Variants in ARHGEF28 observed in about 807,000 individuals in gnomAD.
ARHGEF28 encodes Rho guanine nucleotide exchange factor 28.
In ARHGEF28, 152 loss-of-function variants were observed where a neutral mutation model predicts 206.6. That is an observed-to-expected ratio of 0.74 (90% CI 0.64 to 0.84). The LOEUF (loss-of-function observed/expected upper bound fraction) is 0.84, where lower values mean the gene tolerates loss of function less well. Ranked by LOEUF, ARHGEF28 falls within the 40% of genes least tolerant of loss-of-function variation. ARHGEF28 has a pLI of 0.00. For missense variants in ARHGEF28, 2,028 were observed against 2,073.2 expected, an observed-to-expected ratio of 0.98 and a Z score of 0.42; for synonymous variants, 763 against 776.4, an observed-to-expected ratio of 0.98 and a Z score of 0.29.
chr5:73,632,071 T>C (rs1288425493), intron 1 of ARHGEF28, among the ~76,000 whole-genome samples: 1 of 152,220 alleles, frequency 6.6e-6, no homozygotes, highest in Non-Finnish European at 1.5e-5. Context: ...CAAAGTAGAA[T>C]ATACACGTGT....
chr5:73,794,350 C>T, intron 7 of ARHGEF28, 52 bp from the exon 8 acceptor site: 1 of 1,124,284 alleles, frequency 8.9e-7, no homozygotes, highest in South Asian at 1.5e-5. Flanking sequence ...AGTTGTTGTT[C>T]TTCTTAACAA....
chr5:73,785,457 G>A (rs1483688372), intron 7 of ARHGEF28, among the ~76,000 whole-genome samples: 2 of 152,086 alleles, frequency 1.3e-5, no homozygotes, highest in African/African-American at 2.4e-5. Flanking sequence ...CCATCTGTTA[G>A]TCCAGTAATG....
intron 1 of ARHGEF28, among the ~76,000 whole-genome samples, chr5:73,661,419 C>G (rs998787923): frequency 3.3e-5 from 5 of 152,146 alleles, no homozygotes; most frequent in African/African-American, 1.2e-4. Context: ...GTTTCACTTT[C>G]TTATCATTCG....
chr5:73,833,848 C>T (rs1034980588), intron 10 of ARHGEF28, among the ~76,000 whole-genome samples: 8 of 152,044 alleles, frequency 5.3e-5, no homozygotes, highest in Admixed American at 3.3e-4. Context: ...CATCAAATCT[C>T]GTGAGAACTC....
chr5:73,909,874 G>A lies in ARHGEF28; in HGVS notation c.4624G>A (p.Val1542Met), dbSNP rs747429576. The A allele has an allele frequency of 3.3e-6, 5 of 1,520,460 alleles. No homozygotes were observed. Among genetic ancestry groups the A allele is most frequent in the Non-Finnish European group, 3.5e-6 (4 of 1,147,892 alleles). The allele number at this position is 1,520,460 out of a possible 1,614,324, so 94.2% of individuals were successfully genotyped here. A position where few individuals can be genotyped will look rare whatever the true frequency, so the allele number is the denominator to read the frequency against. Residue 1542 changes from valine (V) to methionine (M), a missense_variant, in exon 34 of 36, where the codon GTG (valine) becomes ATG (methionine). By Grantham distance (21) the Val-to-Met change is conservative. Coordinates refer to ENST00000513042, the MANE Select transcript of ARHGEF28 (RefSeq NM_001177693.2). Reference sequence around the variant, plus strand: ...CGGCCGGCAGAGGAGCCTGCCCGCGGTGCTCCTTCCGGGTGGCCCCGAGGT... The same window carrying A: ...CGGCCGGCAGAGGAGCCTGCCCGCGATGCTCCTTCCGGGTGGCCCCGAGGT... ...KHGRQRSLPA[V>M]LLPGGPEVME... is the part of the protein sequence containing the mutation.
At chr5:73,792,463 G>A (rs1011174065) in intron 7 of ARHGEF28, among the ~76,000 whole-genome samples, 2 of 152,064 alleles carry the variant, frequency 1.3e-5, no homozygotes, top group Admixed American at 6.6e-5. Context: ...CTGTTCTTCC[G>A]AATAAATGCT....
In ARHGEF28 at chr5:73,894,471, T is replaced by G. The variant is rs368390673; in HGVS notation, c.3737T>G (p.Leu1246Arg). 28 of 1,613,834 alleles carry G rather than the reference T, an allele frequency of 1.7e-5. No individual in the cohort carries two copies. The highest frequency in any genetic ancestry group is 1.7e-6 in the Non-Finnish European group (2 of 1,179,884). The change falls in exon 29 of 36, where the codon CTG (leucine) becomes CGG (arginine). Residue 1246 changes from leucine to arginine, a missense_variant. Around this residue, in one of 3 missense-constraint regions of ARHGEF28, gnomAD observed 803 missense variants for 768.0 expected, o/e 1.05. Transcript: ENST00000513042. Reference protein sequence around the residue: ...KLHIYAELGELSGFEDVHLEP... With the variant: ...KLHIYAELGERSGFEDVHLEP... Reference sequence around the variant, plus strand: ...CATATCTATGCTGAACTTGGAGAACTGAGCGGATTTGAGGACGTCCATCTA... The same window carrying G: ...CATATCTATGCTGAACTTGGAGAACGGAGCGGATTTGAGGACGTCCATCTA...
At chr5:73,626,494 C>A (rs1410806562) in intron 1 of ARHGEF28, among the ~76,000 whole-genome samples, 172 bp downstream of exon 1, 2 of 152,068 alleles carry the variant, frequency 1.3e-5, no homozygotes, top group East Asian at 3.9e-4. Context: ...GAGGGCTGGG[C>A]GCCGCCTCCC....
chr5:73,695,887 C>A (rs945443627), intron 2 of ARHGEF28, among the ~76,000 whole-genome samples: 5 of 152,316 alleles, frequency 3.3e-5, no homozygotes, highest in Admixed American at 6.5e-5. Context: ...TCTAATCAGA[C>A]AAGTCCTCTC....
rs760859891 is a variant in ARHGEF28 at position 73,886,038 on chromosome 5, A to G, written c.3244A>G (p.Ser1082Gly). The G allele has an allele frequency of 2.3e-5, 37 of 1,613,854 alleles. No individual in the cohort carries two copies. Among genetic ancestry groups the G allele is most frequent in the Non-Finnish European group, 3.1e-5 (36 of 1,179,878 alleles). Residue 1082 changes from serine to glycine, a missense_variant, in exon 25 of 36, where the codon AGT (serine) becomes GGT (glycine). By Grantham distance (56) the Ser-to-Gly change is moderately conservative. Coordinates refer to ENST00000513042, the MANE Select transcript of ARHGEF28 (RefSeq NM_001177693.2). ...TGTGTTTAGGAAGCAGGCACTGATG[A>G]GTGAAGAAAGGACTCTGTTATATGA... Reference protein sequence around the residue: ...GHVFRKQALMSEERTLLYDGL... With the variant: ...GHVFRKQALMGEERTLLYDGL...
At chr5:73,685,510 G>A (rs1364250172) in intron 2 of ARHGEF28, among the ~76,000 whole-genome samples, 1 of 152,210 alleles carries the variant, frequency 6.6e-6, no homozygotes, top group Non-Finnish European at 1.5e-5. Context: ...TTCTTGGGAA[G>A]GAACTGTGTT....
intron 7 of ARHGEF28, among the ~76,000 whole-genome samples, chr5:73,791,421 T>C (rs1044249961): frequency 3.9e-5 from 6 of 152,166 alleles, no homozygotes; most frequent in African/African-American, 1.4e-4. Flanking sequence ...CACCTGTGCT[T>C]TTGACACTAC....
Position 73,885,643 on chromosome 5 carries a change from A to C in ARHGEF28, c.3056-207A>C, listed in dbSNP as rs188261328. On this transcript the variant is annotated intron_variant, in intron 24 of 35. Transcript: ENST00000513042. ...AGGCACATGCCACTATGCCTGGCTAATTTTTGTATCTTTTTTGGTAGAAAC... is the reference window on the plus strand; with the variant it reads ...AGGCACATGCCACTATGCCTGGCTACTTTTTGTATCTTTTTTGGTAGAAAC... Among the ~76,000 whole-genome samples, 463 of 152,056 alleles carry C rather than the reference A, an allele frequency of 3.0e-3. 1 individual carries two copies. The highest frequency in any genetic ancestry group is 0.01 in the Middle Eastern group (3 of 294).
Position 73,932,546 on chromosome 5 carries a change from T to C in ARHGEF28, c.4949-8298T>C, listed in dbSNP as rs186242030. 1.8e-4 allele frequency among the ~76,000 whole-genome samples: 27 copies of C among 152,316 alleles called. No individual in the cohort carries two copies. The East Asian group carries it at 4.8e-3, about 27-fold the overall frequency. On this transcript the variant is annotated intron_variant, in intron 35 of 35. Transcript: ENST00000513042. The stretch of plus-strand genomic sequence containing the variant: ...CAGGAGAAGCCCTGCAATGTAATCC[T>C]ATCTTGACTACATTTTCAGTTTGTT...
Position 73,776,531 on chromosome 5 carries a change from G to A in ARHGEF28, c.675G>A (p.Trp225Ter). 6.2e-7 allele frequency: 1 copy of A among 1,610,778 alleles called. No homozygotes were observed. The highest frequency in any genetic ancestry group is 8.5e-7 in the Non-Finnish European group (1 of 1,177,922). ...GTTGTTTCAGTTTTCAGGGCAGATG[G>A]TCCCCAAGCTTCTCCCGAGTGCAGC... ...VEDVTNFQGR[W>*]SPSFSRVQLS... Residue 225 changes from tryptophan to a stop codon, truncating the protein, a stop_gained, in exon 6 of 36, where the codon TGG becomes TGA. Transcript: ENST00000513042. LOFTEE classifies it high-confidence loss of function.
intron 33 of ARHGEF28, among the ~76,000 whole-genome samples, chr5:73,907,372 G>A (rs897113639): frequency 8.5e-5 from 13 of 152,168 alleles, no homozygotes; most frequent in African/African-American, 2.9e-4. Flanking sequence ...CCTAATTTTT[G>A]CAACACATTA....
chr5:73,649,236 A>C (rs1402255918), intron 1 of ARHGEF28, among the ~76,000 whole-genome samples: 1 of 151,988 alleles, frequency 6.6e-6, no homozygotes, highest in Non-Finnish European at 1.5e-5. Context: ...CCTAAATGTC[A>C]CTCATGTGGC....
At chr5:73,697,453 A>G (rs763527612) in intron 2 of ARHGEF28, among the ~76,000 whole-genome samples, 1 of 152,204 alleles carries the variant, frequency 6.6e-6, no homozygotes, top group Non-Finnish European at 1.5e-5. Context: ...GGGAAGTCCA[A>G]AGTTGAGGGG....
At chr5:73,866,551 C>T (rs1479975551) in intron 18 of ARHGEF28, among the ~76,000 whole-genome samples, 1 of 152,158 alleles carries the variant, frequency 6.6e-6, no homozygotes, top group Non-Finnish European at 1.5e-5. Flanking sequence ...GTTTAATTAG[C>T]TGTGCTTGAG....
Sources: gnomAD v4.1 joint callset for allele counts (sites outside exome capture counted in the v4.1 genomes callset) on GRCh38, gnomAD v4.1.1 for gene constraint, gnomAD v4.1.1 regional missense constraint, MANE v1.5 for transcripts, NCBI Gene and HGNC (gene_info 2026-07-23, HGNC 2026-07-21) for gene names.